The following FGFR2 variants were observed in gnomAD, a reference collection of about 807,000 sequenced individuals.
FGFR2 encodes the protein BEK fibroblast growth factor receptor.
Under a neutral mutation model 95.9 loss-of-function variants are expected in FGFR2, and 19 were observed. The ratio of observed to expected loss-of-function variants is 0.20; its 90% confidence interval spans 0.14 to 0.29. The LOEUF (loss-of-function observed/expected upper bound fraction) is 0.29. Among genes scored for constraint, FGFR2 ranks in the 10% least tolerant of loss-of-function variants. The pLI is 1.00. For synonymous variants in FGFR2, 392 were observed against 393.3 expected (o/e 1.00, Z 0.04); for missense variants, 707 against 1,056.9 (o/e 0.67, Z 4.59).
At chr10:121,569,506 C>T (rs1374400552) in intron 2 of FGFR2, among the ~76,000 whole-genome samples, 1 of 152,200 alleles carries the variant, frequency 6.6e-6, no homozygotes, top group African/African-American at 2.4e-5. Flanking sequence ...AGGCGTGAGC[C>T]ACTGCGCCCA....
intron 4 of FGFR2, among the ~76,000 whole-genome samples, chr10:121,552,559 C>T (rs1855554895): frequency 6.6e-6 from 1 of 152,146 alleles, no homozygotes; most frequent in Admixed American, 6.5e-5. Context: ...GATGCCAGAG[C>T]CCACTATCTT....
intron 2 of FGFR2, among the ~76,000 whole-genome samples, chr10:121,590,687 T>C (rs781467855): frequency 3.0e-4 from 46 of 152,156 alleles, no homozygotes; most frequent in Non-Finnish European, 5.9e-4. Flanking sequence ...TATGATACGA[T>C]ATTGCACAAA....
intron 2 of FGFR2, among the ~76,000 whole-genome samples, chr10:121,578,245 G>A (rs961043282): frequency 1.3e-5 from 2 of 150,946 alleles, no homozygotes; most frequent in African/African-American, 2.4e-5. Context: ...ACATCATGGC[G>A]CATTGAGGCT....
Position 121,517,529 on chromosome 10 carries a change from G to A in FGFR2, c.940-66C>T, listed in dbSNP as rs2134263228. ...AGGAATGATTGTGGAGGGGGCTGTG[G>A]AACCACAAGGCGTCGCACCGGGGGC... On this transcript the variant is annotated intron_variant, in intron 7 of 17. Coordinates refer to ENST00000358487, the MANE Select transcript of FGFR2 (RefSeq NM_000141.5). The surrounding 1 kb of genome is among the most constrained non-coding windows in gnomAD (Gnocchi z 4.7). The A allele has an allele frequency of 6.2e-7, 1 of 1,601,860 alleles. No individual in the cohort carries two copies.
At chr10:121,592,962 G>T (rs1343138318) in intron 2 of FGFR2, among the ~76,000 whole-genome samples, 1 of 152,224 alleles carries the variant, frequency 6.6e-6, no homozygotes, top group East Asian at 1.9e-4. Flanking sequence ...AAAGGGCTGG[G>T]AGAGAGGTTC....
chr10:121,548,970 G>A (rs1854975473), intron 5 of FGFR2, among the ~76,000 whole-genome samples: 1 of 152,018 alleles, frequency 6.6e-6, no homozygotes, highest in Admixed American at 6.6e-5. Context: ...AGAACAGAAG[G>A]ACAAATCACC....
At position 121,481,755 on chromosome 10, in the gene FGFR2, T is replaced by C. The variant is rs570099589; in HGVS notation, c.2302-1734A>G. 1.7e-4 allele frequency: 37 copies of C among 224,128 alleles called. No individual in the cohort carries two copies. In the South Asian group the frequency reaches 3.1e-3, roughly 19 times the overall value. 13.9% of individuals were successfully genotyped at this position (224,128 alleles called of 1,614,324 possible). On this transcript the variant is annotated intron_variant, in intron 17 of 17. Transcript: ENST00000358487. ...AACGGACCCACTCTACATGTAAATA[T>C]ATAAATAAATCACTTTGAGCATAGA...
rs886046762 is a variant in FGFR2 at position 121,479,120 on chromosome 10, C to CT, written c.*736dup. On this transcript the variant is annotated 3_prime_UTR_variant, in exon 18 of 18. Coordinates refer to ENST00000358487, the MANE Select transcript of FGFR2 (RefSeq NM_000141.5). The stretch of plus-strand genomic sequence containing the variant: ...TGTAAATATTCTCTTTTCAAAGGAT[C>CT]TGATAACTAGTTAAGTCCAAGCAAT... 10 of 232,628 alleles carry CT rather than the reference C, an allele frequency of 4.3e-5. No homozygotes were observed. Among genetic ancestry groups the CT allele is most frequent in the Non-Finnish European group, 6.8e-5 (8 of 117,544 alleles). The allele number at this position is 232,628 out of a possible 1,614,324, so 14.4% of individuals were successfully genotyped here.
chr10:121,569,578 T>G (rs541976531), intron 2 of FGFR2, among the ~76,000 whole-genome samples: 2 of 152,336 alleles, frequency 1.3e-5, no homozygotes, highest in South Asian at 4.1e-4. Context: ...CCCATCTCAA[T>G]GGACAGTTAA....
At chr10:121,529,184 C>A (rs1851773641) in intron 6 of FGFR2, among the ~76,000 whole-genome samples, 1 of 152,204 alleles carries the variant, frequency 6.6e-6, no homozygotes, top group Non-Finnish European at 1.5e-5. Context: ...TCTCAGCTCA[C>A]TGCAACCTCC....
rs139474736 is a variant in FGFR2, at chr10:121,566,412, C to T, written c.110-708G>A. ...GCCCAGACAGCTGCAAGGCAGTCTC[C>T]GTTGCACTTACAGGGGTCCTGAAAT... On this transcript the variant is annotated intron_variant, in intron 2 of 17. Coordinates refer to ENST00000358487, the MANE Select transcript of FGFR2 (RefSeq NM_000141.5). 2.0e-3 allele frequency among the ~76,000 whole-genome samples: 308 copies of T among 152,314 alleles called. 2 individuals are homozygous for T. Among genetic ancestry groups the T allele is most frequent in the African/African-American group, 7.2e-3 (301 of 41,580 alleles).
chr10:121,539,699 A>G (rs1478574195), intron 5 of FGFR2, among the ~76,000 whole-genome samples: 1 of 152,232 alleles, frequency 6.6e-6, no homozygotes, highest in Non-Finnish European at 1.5e-5. Flanking sequence ...GTCAAGGCCT[A>G]CTAACCTTAG....
intron 6 of FGFR2, among the ~76,000 whole-genome samples, chr10:121,528,556 T>C (rs1589869014): frequency 1.3e-5 from 2 of 152,216 alleles, no homozygotes; most frequent in Admixed American, 6.5e-5. Flanking sequence ...TCACATGCCT[T>C]GTTTTGCTCC....
At chr10:121,496,768 T>TC (rs750190379) in intron 12 of FGFR2, 46 bp from the exon 13 acceptor site, 1 of 1,558,996 alleles carries the variant, frequency 6.4e-7, no homozygotes, top group Non-Finnish European at 8.8e-7. Flanking sequence ...ATCCAGGGTC[T>TC]CCCCTTGGGC....
intron 17 of FGFR2, 92 bp from the exon 18 acceptor site, chr10:121,480,113 C>T (rs868511962): frequency 7.9e-7 from 1 of 1,270,524 alleles, no homozygotes; most frequent in South Asian, 1.2e-5. Flanking sequence ...TCCAAGTATT[C>T]CTGAAAGAAG....
chr10:121,536,755 A>G (rs1365815058), intron 6 of FGFR2, among the ~76,000 whole-genome samples: 1 of 152,218 alleles, frequency 6.6e-6, no homozygotes, highest in Non-Finnish European at 1.5e-5. Context: ...AGTGGCCGCC[A>G]TCTGACTCCA....
rs41302295 is a variant in FGFR2 at position 121,565,964 on chromosome 10, T to C, written c.110-260A>G. The C allele has an allele frequency of 1.6e-3, 911 of 557,354 alleles. 6 individuals are homozygous for C. Among genetic ancestry groups the C allele is most frequent in the African/African-American group, 5.4e-3 (288 of 53,248 alleles). 34.5% of individuals were successfully genotyped at this position (557,354 alleles called of 1,614,324 possible). A position where few individuals can be genotyped will look rare whatever the true frequency, so the allele number is the denominator to read the frequency against. ...GGGGCTTTAGAAACAAACCAAACCA[T>C]AGCATGGAAGAATATTCCACAAGAA... On this transcript the variant is annotated intron_variant, in intron 2 of 17. Transcript: ENST00000358487.
At chr10:121,509,492 T>C (rs1460780282) in intron 9 of FGFR2, among the ~76,000 whole-genome samples, 1 of 106,374 alleles carries the variant, frequency 9.4e-6, no homozygotes, top group South Asian at 3.2e-4. Context: ...CTTTTTTTTT[T>C]TTTTTTTTTT....
chr10:121,539,019 G>T (rs1326706045), intron 5 of FGFR2, among the ~76,000 whole-genome samples: 1 of 152,204 alleles, frequency 6.6e-6, no homozygotes, highest in Non-Finnish European at 1.5e-5. Context: ...ACTGGCCAGG[G>T]AGCCTGAACA....
Sources: allele counts gnomAD v4.1 joint callset (sites outside exome capture counted in the v4.1 genomes callset), GRCh38; gene constraint gnomAD v4.1.1; non-coding constraint Gnocchi (gnomAD v3.1); transcripts MANE v1.5; gene names NCBI Gene and HGNC (gene_info 2026-07-23, HGNC 2026-07-21).